DSCAM: variants seen among roughly 807,000 people sequenced by gnomAD.
DSCAM encodes the protein cell adhesion molecule DSCAM.
Under a neutral mutation model 217.7 loss-of-function variants are expected in DSCAM, and 47 were observed. That is an observed-to-expected ratio of 0.22 (90% CI 0.17 to 0.28). The LOEUF is 0.28. Among genes scored for constraint, DSCAM ranks in the 10% least tolerant of loss-of-function variants. DSCAM has a pLI of 1.00. For missense variants in DSCAM, 2,080 were observed against 2,618.3 expected, an observed-to-expected ratio of 0.79 and a Z score of 4.49; for synonymous variants, 1,056 against 1,015.3, an observed-to-expected ratio of 1.04 and a Z score of -0.76.
intron 1 of DSCAM, among the ~76,000 whole-genome samples, chr21:40,837,591 C>G (rs1177658713): frequency 1.3e-5 from 2 of 152,202 alleles, no homozygotes; most frequent in African/African-American, 4.8e-5. Flanking sequence ...ACGTTAAGGA[C>G]CCGGATAGAG....
intron 3 of DSCAM, among the ~76,000 whole-genome samples, chr21:40,640,278 C>A (rs1489424175): frequency 1.3e-5 from 2 of 150,270 alleles, no homozygotes; most frequent in East Asian, 3.9e-4. Context: ...TGCTCCATCC[C>A]TGACTTTCTC....
At chr21:40,077,948 G>A (rs969898970) in intron 26 of DSCAM, among the ~76,000 whole-genome samples, 1 of 152,160 alleles carries the variant, frequency 6.6e-6, no homozygotes, top group Admixed American at 6.5e-5. Flanking sequence ...CGCTGCTGCT[G>A]GGACTTTCTA....
At chr21:40,462,830 A>G (rs1316842619) in intron 3 of DSCAM, among the ~76,000 whole-genome samples, 1 of 152,210 alleles carries the variant, frequency 6.6e-6, no homozygotes, top group East Asian at 1.9e-4. Flanking sequence ...GCACCTGATC[A>G]GAGTTAGGTG....
chr21:40,647,320 A>G (rs2089959642), intron 3 of DSCAM, among the ~76,000 whole-genome samples: 1 of 152,242 alleles, frequency 6.6e-6, no homozygotes. Flanking sequence ...CTGGAACATT[A>G]AAAACTCTTC....
At chr21:40,651,208 A>G (rs1339901373) in intron 3 of DSCAM, among the ~76,000 whole-genome samples, 4 of 152,216 alleles carry the variant, frequency 2.6e-5, no homozygotes, top group African/African-American at 9.6e-5. Context: ...GGGGTGGAGA[A>G]GCATCTAACA....
chr21:40,014,311 AC>A (rs1268417890), intron 32 of DSCAM, among the ~76,000 whole-genome samples: 1 of 152,102 alleles, frequency 6.6e-6, no homozygotes, highest in Non-Finnish European at 1.5e-5. Context: ...AATCGCTTGA[AC>A]CCGGGAGGAG....
chr21:40,201,216 G>C (rs921002563), intron 11 of DSCAM, among the ~76,000 whole-genome samples: 7 of 152,104 alleles, frequency 4.6e-5, no homozygotes, highest in Non-Finnish European at 1.0e-4. Context: ...GAAAGACGAA[G>C]AACATTTAGG....
chr21:40,636,037 A>G (rs1175859638), intron 3 of DSCAM, among the ~76,000 whole-genome samples: 1 of 152,162 alleles, frequency 6.6e-6, no homozygotes, highest in African/African-American at 2.4e-5. Flanking sequence ...CTCTTAATAG[A>G]TTTTTTTAAA....
At chr21:40,466,769 G>A (rs773565316) in intron 3 of DSCAM, among the ~76,000 whole-genome samples, 8 of 151,930 alleles carry the variant, frequency 5.3e-5, no homozygotes, top group Admixed American at 5.2e-4. Context: ...ATTTCTATGG[G>A]ACCACCTCAA....
At chr21:40,821,408 C>G (rs866584617) in intron 1 of DSCAM, among the ~76,000 whole-genome samples, 1 of 151,818 alleles carries the variant, frequency 6.6e-6, no homozygotes, top group Middle Eastern at 3.2e-3. Context: ...CACACACACA[C>G]ACACACACAC....
At chr21:40,188,227 T>C (rs1255558905) in intron 12 of DSCAM, among the ~76,000 whole-genome samples, 9 of 152,198 alleles carry the variant, frequency 5.9e-5, no homozygotes. Context: ...AGTAGGCGGA[T>C]GGATAGGATT....
chr21:40,655,090 C>A (rs935393525), intron 3 of DSCAM, among the ~76,000 whole-genome samples: 4 of 152,062 alleles, frequency 2.6e-5, no homozygotes, highest in Admixed American at 1.3e-4. Context: ...GAAAATGGAG[C>A]CTGCTTTCTT....
At chr21:40,621,575 GGGGACCAGAT>G (rs3840082) in intron 3 of DSCAM, among the ~76,000 whole-genome samples, 1,720 of 151,976 alleles carry the variant, frequency 0.011, 15 homozygotes, top group Admixed American at 0.027. Flanking sequence ...ACTTCTGCTT[GGGGACCAGAT>G]GGGATGGCAC....
chr21:40,578,288 A>G (rs1400165393), intron 3 of DSCAM, among the ~76,000 whole-genome samples: 1 of 152,192 alleles, frequency 6.6e-6, no homozygotes, highest in Non-Finnish European at 1.5e-5. Context: ...TAGGAGGTGA[A>G]GTCAGTTGGG....
intron 3 of DSCAM, among the ~76,000 whole-genome samples, chr21:40,587,459 G>A (rs1186168061): frequency 6.6e-6 from 1 of 152,142 alleles, no homozygotes; most frequent in Non-Finnish European, 1.5e-5. Flanking sequence ...GAAAAAAATG[G>A]TGTGTACCCC....
At chr21:40,525,273 A>G (rs1045384945) in intron 3 of DSCAM, among the ~76,000 whole-genome samples, 4 of 152,214 alleles carry the variant, frequency 2.6e-5, no homozygotes, top group African/African-American at 7.2e-5. Context: ...TGGAAACAAC[A>G]AAAACTAAAC....
At chr21:40,370,624 A>G (rs1489167135) in intron 3 of DSCAM, among the ~76,000 whole-genome samples, 1 of 143,950 alleles carries the variant, frequency 6.9e-6, no homozygotes, top group Non-Finnish European at 1.5e-5. Flanking sequence ...AAAATGGTTT[A>G]TGGTTTTTTT....
chr21:40,472,282 A>G (rs1472870038), intron 3 of DSCAM, among the ~76,000 whole-genome samples: 1 of 152,222 alleles, frequency 6.6e-6, no homozygotes, highest in African/African-American at 2.4e-5. Flanking sequence ...GACTCAGAAC[A>G]GATGATGTCA....
At position 40,828,119 on chromosome 21, in the gene DSCAM, C is replaced by T. The variant is rs192605455; in HGVS notation, c.43+18500G>A. Among the ~76,000 whole-genome samples the T allele has an allele frequency of 2.6e-5, 4 of 152,112 alleles. No homozygotes were observed. In the East Asian group the frequency reaches 7.8e-4, roughly 30 times the overall value. On this transcript the variant is annotated intron_variant, in intron 1 of 32. Transcript: ENST00000400454. ...TTGAGGCTGAGATAAAATGCAAGGG[C>T]AGGACTGATGCAGTGGCTCACACCT...
Sources: gnomAD v4.1 joint callset for allele counts (sites outside exome capture counted in the v4.1 genomes callset) on GRCh38, gnomAD v4.1.1 for gene constraint, MANE v1.5 for transcripts, NCBI Gene and HGNC (gene_info 2026-07-23, HGNC 2026-07-21) for gene names.